The following DST variants were observed in gnomAD, a reference collection of about 807,000 sequenced individuals.
DST encodes dystonin.
Under a neutral mutation model 875.2 loss-of-function variants are expected in DST, and 253 were observed. The ratio of observed to expected loss-of-function variants is 0.29; its 90% CI spans 0.26 to 0.32. DST has a LOEUF of 0.32. DST is among the 10% of genes least tolerant of loss of function. The probability of loss-of-function intolerance (pLI) is 1.00; values close to 1 mark genes in which losing one functional copy is unlikely to be tolerated. For missense variants in DST, 8,287 were observed against 9,111.6 expected, an observed-to-expected ratio of 0.91 and a Z score of 3.68; for synonymous variants, 3,124 against 3,197.1, an observed-to-expected ratio of 0.98 and a Z score of 0.77.
rs963723953 is a variant in DST at position 56,570,148 on chromosome 6, G to A, written c.13722-136C>T. 12 of 614,324 alleles carry A rather than the reference G, an allele frequency of 2.0e-5. No homozygotes were observed. The African/African-American group carries it at 2.1e-4, about 11-fold the overall frequency. The allele number at this position is 614,324 out of a possible 1,614,324, so 38.1% of individuals were successfully genotyped here. A position where few individuals can be genotyped will look rare whatever the true frequency, so the allele number is the denominator to read the frequency against. On this transcript the variant is annotated intron_variant, in intron 53 of 103. Coordinates refer to ENST00000680361, the MANE Select transcript of DST (RefSeq NM_001374736.1). ...TTGATACAGGAGGAAAGGTTTCATA[G>A]GTGACAACTGAAATCAGCTAAATCA...
chr6:56,903,500 C>T (rs1025346717), intron 2 of DST, among the ~76,000 whole-genome samples: 3 of 152,186 alleles, frequency 2.0e-5, no homozygotes, highest in African/African-American at 4.8e-5. Context: ...TGCTCTGTCA[C>T]CCAGGCTGGA....
chr6:56,851,495 G>C lies in DST; in HGVS notation c.527C>G (p.Thr176Ser). ...ATGTTTAGGCAAATTCCAGGGTAAG[G>C]TGTCTCCCGGAGCTGGGGATGCGGA... ...SGSASPAPGD[T>S]LPWNLPKHER... Residue 176 changes from threonine to serine, a missense_variant, in exon 4 of 104, where the codon ACC (threonine) becomes AGC (serine). Around this residue, in one of 10 missense-constraint regions of DST, gnomAD observed 1,160 missense variants for 1,424.3 expected, o/e 0.81. Transcript: ENST00000680361. The C allele has an allele frequency of 6.2e-7, 1 of 1,614,034 alleles. No homozygotes were observed. The highest frequency in any genetic ancestry group is 8.5e-7 in the Non-Finnish European group (1 of 1,179,904).
At chr6:56,492,121 G>C in intron 85 of DST, 106 bp downstream of exon 85, 1 of 1,021,770 alleles carries the variant, frequency 9.8e-7, no homozygotes, top group Non-Finnish European at 1.5e-6. Context: ...TGCCATGATT[G>C]TTATGCCTAA....
intron 2 of DST, among the ~76,000 whole-genome samples, chr6:56,949,640 ACACT>A (rs1821357994): frequency 6.6e-6 from 1 of 152,232 alleles, no homozygotes; most frequent in Non-Finnish European, 1.5e-5. Flanking sequence ...TAATTGGGTG[ACACT>A]CAGTGAATAC....
intron 36 of DST, chr6:56,615,264 A>AAC (rs1259245227): frequency 2.3e-6 from 3 of 1,280,216 alleles, no homozygotes; most frequent in Non-Finnish European, 2.0e-6. Flanking sequence ...TAAAAAAAAA[A>AAC]ACATTTTAGT....
intron 10 of DST, among the ~76,000 whole-genome samples, chr6:56,667,848 C>T (rs2099079939): frequency 1.3e-5 from 2 of 151,090 alleles, no homozygotes; most frequent in Admixed American, 6.6e-5. Flanking sequence ...CACACACATA[C>T]ACCAATTTGT....
intron 55 of DST, among the ~76,000 whole-genome samples, chr6:56,566,007 C>T (rs2097670161): frequency 6.6e-6 from 1 of 152,194 alleles, no homozygotes; most frequent in Admixed American, 6.5e-5. Context: ...AGGGGAAAAC[C>T]ACCTACTCAA....
chr6:56,598,964 A>C (rs1443603074), intron 45 of DST, among the ~76,000 whole-genome samples: 3 of 152,168 alleles, frequency 2.0e-5, no homozygotes, highest in Admixed American at 1.3e-4. Context: ...AAAACACATA[A>C]GTATTCAGTA....
At chr6:56,784,084 C>T (rs1034705562) in intron 4 of DST, among the ~76,000 whole-genome samples, 5 of 152,060 alleles carry the variant, frequency 3.3e-5, no homozygotes, top group East Asian at 3.8e-4. Flanking sequence ...GAGTTTCTGC[C>T]GAGAGATCTG....
chr6:56,669,468 T>C (rs1355146600), intron 10 of DST, among the ~76,000 whole-genome samples: 6 of 151,734 alleles, frequency 4.0e-5, no homozygotes, highest in African/African-American at 1.2e-4. Context: ...TGGTGGCATA[T>C]GCCTGTAGTC....
At chr6:56,493,736 T>C (rs998093135) in intron 83 of DST, among the ~76,000 whole-genome samples, 11 of 152,116 alleles carry the variant, frequency 7.2e-5, no homozygotes, top group Admixed American at 1.3e-4. Flanking sequence ...ACCCAGAATT[T>C]GAGTAGTTCT....
At chr6:56,904,945 A>T (rs1483356535) in intron 2 of DST, among the ~76,000 whole-genome samples, 1 of 152,106 alleles carries the variant, frequency 6.6e-6, no homozygotes, top group Non-Finnish European at 1.5e-5. Flanking sequence ...ATGTGCCACC[A>T]TGCCCAGCTA....
chr6:56,490,562 C>T (rs2095702782), intron 85 of DST, among the ~76,000 whole-genome samples: 1 of 152,124 alleles, frequency 6.6e-6, no homozygotes, highest in Non-Finnish European at 1.5e-5. Flanking sequence ...GAGATCATCT[C>T]ATTACAAACC....
chr6:56,531,725 G>C (rs1226472348), intron 64 of DST, among the ~76,000 whole-genome samples: 1 of 152,118 alleles, frequency 6.6e-6, no homozygotes, highest in African/African-American at 2.4e-5. Flanking sequence ...CATCAATGCA[G>C]ATACTGAAAT....
At chr6:56,548,352 A>T (rs79607073) in intron 61 of DST, among the ~76,000 whole-genome samples, 6,182 of 152,330 alleles carry the variant, frequency 0.041, 170 homozygotes, top group African/African-American at 0.06. Flanking sequence ...GCTAGGACTC[A>T]TTAAAGCATC....
At chr6:56,711,952 G>A (rs893887983) in intron 5 of DST, among the ~76,000 whole-genome samples, 11 of 150,678 alleles carry the variant, frequency 7.3e-5, no homozygotes, top group Non-Finnish European at 1.3e-4. Flanking sequence ...TTAGCCGGGC[G>A]TAGTGGCGGG....
In DST at chr6:56,606,677, T is replaced by A; in HGVS notation, c.7951A>T (p.Thr2651Ser). 1 of 1,613,612 alleles carries A rather than the reference T, an allele frequency of 6.2e-7. No individual in the cohort carries two copies. Among genetic ancestry groups the A allele is most frequent in the Non-Finnish European group, 8.5e-7 (1 of 1,179,644 alleles). Residue 2651 changes from threonine to serine, a missense_variant, in exon 40 of 104, where the codon ACG becomes TCG. Coordinates refer to ENST00000680361, the MANE Select transcript of DST (RefSeq NM_001374736.1). ...YDTLQEENDE[T>S]ASPADVFYDV... ...TAAAAAACATCAGCAGGAGAAGCCG[T>A]CTCATCATTTTCCTCTTGCAGTGTG...
At chr6:56,792,009 C>G (rs550562991) in intron 4 of DST, among the ~76,000 whole-genome samples, 3 of 151,990 alleles carry the variant, frequency 2.0e-5, no homozygotes, top group Admixed American at 2.0e-4. Context: ...TGAAACATCT[C>G]GTTGTGCCAA....
chr6:56,839,371 T>A (rs1308555342), intron 4 of DST, among the ~76,000 whole-genome samples: 1 of 152,194 alleles, frequency 6.6e-6, no homozygotes, highest in Admixed American at 6.5e-5. Context: ...AACATAATCT[T>A]AACTAACACT....
Sources: gnomAD v4.1 joint callset for allele counts (sites outside exome capture counted in the v4.1 genomes callset) on GRCh38, gnomAD v4.1.1 for gene constraint, gnomAD v4.1.1 regional missense constraint, MANE v1.5 for transcripts, NCBI Gene and HGNC (gene_info 2026-07-23, HGNC 2026-07-21) for gene names.